The following SKAP2 variants were observed in gnomAD, a reference collection of about 807,000 sequenced individuals.
SKAP2 encodes src kinase-associated phosphoprotein 2.
A neutral mutation model predicts 54.9 loss-of-function variants in SKAP2; 28 were observed. The ratio of observed to expected loss-of-function variants is 0.51; its 90% confidence interval spans 0.38 to 0.70. SKAP2 has a LOEUF of 0.70. Among genes scored for constraint, SKAP2 ranks in the 30% least tolerant of loss-of-function variants. The pLI is 0.00. For missense variants in SKAP2, 356 were observed against 424.1 expected (o/e 0.84, Z 1.41); for synonymous variants, 137 against 134.3 (o/e 1.02, Z -0.14).
chr7:26,798,484 A>ACCAG (rs1783832672), intron 4 of SKAP2, among the ~76,000 whole-genome samples: 1 of 152,112 alleles, frequency 6.6e-6, no homozygotes, highest in Non-Finnish European at 1.5e-5. Context: ...TTTCATCAAT[A>ACCAG]CCAGACCTGT....
At chr7:26,738,651 A>T in intron 6 of SKAP2, 144 bp downstream of exon 6, 1 of 562,148 alleles carries the variant, frequency 1.8e-6, no homozygotes, top group Non-Finnish European at 3.2e-6. Flanking sequence ...AATGAAATGA[A>T]TCATAAATTA....
At chr7:26,810,991 TTTAA>T (rs1412910479) in intron 4 of SKAP2, among the ~76,000 whole-genome samples, 1 of 152,138 alleles carries the variant, frequency 6.6e-6, no homozygotes, top group African/African-American at 2.4e-5. Context: ...TATATATAAT[TTTAA>T]TTGTCAATTT....
chr7:26,850,237 T>C (rs76340974), intron 3 of SKAP2, among the ~76,000 whole-genome samples: 1,602 of 152,222 alleles, frequency 0.011, 27 homozygotes, highest in African/African-American at 0.037. Flanking sequence ...GGGAGGATAC[T>C]TTATAATATG....
At chr7:26,785,428 C>T (rs1783524655) in intron 4 of SKAP2, among the ~76,000 whole-genome samples, 1 of 152,116 alleles carries the variant, frequency 6.6e-6, no homozygotes, top group African/African-American at 2.4e-5. Flanking sequence ...CCTCGTGATC[C>T]ACCTGCCTCG....
chr7:26,850,162 T>C (rs190964347), intron 3 of SKAP2, among the ~76,000 whole-genome samples: 82 of 152,352 alleles, frequency 5.4e-4, no homozygotes, highest in African/African-American at 1.9e-3. Context: ...ATGACCTTGT[T>C]ATGTGATAGA....
intron 4 of SKAP2, among the ~76,000 whole-genome samples, chr7:26,765,321 GT>G (rs199865011): frequency 0.049 from 7,431 of 150,728 alleles, 618 homozygotes; most frequent in African/African-American, 0.17. Context: ...ACTTTTTGAT[GT>G]TTTTTTTTCT....
chr7:26,856,942 A>T, intron 1 of SKAP2, among the ~76,000 whole-genome samples: 1 of 151,818 alleles, frequency 6.6e-6, no homozygotes, highest in Non-Finnish European at 1.5e-5. Context: ...TTTTTTCTTT[A>T]AAAGGTCATT....
At chr7:26,778,145 T>C (rs1783353463) in intron 4 of SKAP2, among the ~76,000 whole-genome samples, 1 of 151,982 alleles carries the variant, frequency 6.6e-6, no homozygotes, top group Non-Finnish European at 1.5e-5. Context: ...TTGTTTGTTC[T>C]AGGAAAATCA....
the SKAP2 span, among the ~76,000 whole-genome samples, chr7:26,660,608 T>C: frequency 2.6e-5 from 4 of 152,164 alleles, no homozygotes; most frequent in South Asian, 8.3e-4. Context: ...AACAGACTTA[T>C]CTTTAATCAC....
chr7:26,754,911 A>G (rs1211277562), intron 4 of SKAP2, among the ~76,000 whole-genome samples: 1 of 152,234 alleles, frequency 6.6e-6, no homozygotes. Context: ...TATGAAAAAG[A>G]CTTAAAATCC....
chr7:26,820,755 G>A (rs562310253), intron 4 of SKAP2, among the ~76,000 whole-genome samples: 12 of 152,200 alleles, frequency 7.9e-5, no homozygotes, highest in African/African-American at 2.6e-4. Context: ...AATATGATAT[G>A]ATTAAATAAA....
intron 4 of SKAP2, among the ~76,000 whole-genome samples, chr7:26,791,486 A>AT (rs894154603): frequency 1.3e-5 from 2 of 151,892 alleles, no homozygotes; most frequent in African/African-American, 4.8e-5. Flanking sequence ...TCAATACACA[A>AT]TTTTTTAAAA....
chr7:26,759,758 G>T (rs1025937431), intron 4 of SKAP2, among the ~76,000 whole-genome samples: 3 of 152,062 alleles, frequency 2.0e-5, no homozygotes, highest in African/African-American at 7.2e-5. Context: ...ATTGTAGAAT[G>T]CTTATTCATA....
intron 9 of SKAP2, among the ~76,000 whole-genome samples, chr7:26,723,540 G>A (rs1215792701): frequency 1.3e-5 from 2 of 152,242 alleles, no homozygotes; most frequent in East Asian, 3.9e-4. Context: ...ACAATTATGT[G>A]TGAGGGTGGG....
intron 9 of SKAP2, among the ~76,000 whole-genome samples, chr7:26,698,745 G>A (rs988452268): frequency 1.3e-5 from 2 of 152,046 alleles, no homozygotes; most frequent in South Asian, 4.2e-4. Flanking sequence ...TTTAGACTTG[G>A]GAATCTGGCA....
chr7:26,717,486 G>T (rs1264043551), intron 9 of SKAP2, among the ~76,000 whole-genome samples: 2 of 110,254 alleles, frequency 1.8e-5, no homozygotes, highest in Non-Finnish European at 1.8e-5. Context: ...TTCTAGCCTG[G>T]GTGACAGAGC....
chr7:26,792,742 T>C (rs183329988), intron 4 of SKAP2, among the ~76,000 whole-genome samples: 71 of 152,330 alleles, frequency 4.7e-4, no homozygotes, highest in African/African-American at 1.7e-3. Context: ...TTCAATTAAA[T>C]GATTTCCCTG....
At chr7:26,678,297 C>A (rs979112880) in intron 11 of SKAP2, among the ~76,000 whole-genome samples, 2 of 152,092 alleles carry the variant, frequency 1.3e-5, no homozygotes, top group African/African-American at 4.8e-5. Context: ...AACAAAAAAA[C>A]AGAGTACTTT....
intron 3 of SKAP2, among the ~76,000 whole-genome samples, chr7:26,848,742 T>C (rs1038782295): frequency 6.6e-6 from 1 of 152,174 alleles, no homozygotes; most frequent in Non-Finnish European, 1.5e-5. Context: ...TAATAATATA[T>C]AGCTAAATAT....
Sources: gnomAD v4.1 joint callset for allele counts (sites outside exome capture counted in the v4.1 genomes callset) on GRCh38, gnomAD v4.1.1 for gene constraint, MANE v1.5 for transcripts, NCBI Gene and HGNC (gene_info 2026-07-23, HGNC 2026-07-21) for gene names.